DTNBP1: variants seen among roughly 807,000 people sequenced by gnomAD.
DTNBP1 encodes dysbindin.
A neutral mutation model predicts 42.8 loss-of-function variants in DTNBP1; 35 were observed. The observed-to-expected ratio is 0.82, with a 90% CI of 0.63 to 1.09. The LOEUF (loss-of-function observed/expected upper bound fraction) is 1.09. Among genes scored for constraint, DTNBP1 ranks in the 50% least tolerant of loss-of-function variants. The pLI, the probability that DTNBP1 is intolerant of heterozygous loss-of-function variation, is 0.00. For synonymous variants in DTNBP1, 171 were observed against 162.2 expected, an observed-to-expected ratio of 1.05 and a Z score of -0.41; for missense variants, 457 against 424.2, an observed-to-expected ratio of 1.08 and a Z score of -0.68.
At chr6:15,621,205 T>C (rs573917797) in intron 5 of DTNBP1, among the ~76,000 whole-genome samples, 16 of 152,348 alleles carry the variant, frequency 1.1e-4, no homozygotes, top group Non-Finnish European at 2.2e-4. Context: ...TTTCAAATGA[T>C]TTTTCTGAAA....
At position 15,615,376 on chromosome 6, in the gene DTNBP1, C is replaced by T; in HGVS notation, c.379G>A (p.Glu127Lys). 6.2e-7 allele frequency: 1 copy of T among 1,614,052 alleles called. No individual in the cohort carries two copies. Among genetic ancestry groups the T allele is most frequent in the Non-Finnish European group, 8.5e-7 (1 of 1,180,026 alleles). The change falls in exon 6 of 10, where the codon GAG becomes AAG. Residue 127 changes from glutamate to lysine, a missense_variant. Physicochemically the swap from Glu to Lys is moderately conservative, Grantham distance 56. Transcript: ENST00000344537. ...AGATGCAGCAGGTTGTTCTCTACCT[C>T]CTCAAAACTCGCCTCTAAATGAGCT... ...NLTHLEASFE[E>K]VENNLLHLED...
intron 7 of DTNBP1, among the ~76,000 whole-genome samples, chr6:15,581,940 C>T (rs1420671536): frequency 6.6e-6 from 1 of 152,122 alleles, no homozygotes; most frequent in Non-Finnish European, 1.5e-5. Flanking sequence ...AGCTTCAACC[C>T]ACATCTCAAA....
Position 15,663,026 on chromosome 6 carries a change from C to T in DTNBP1, c.-157G>A. 2.0e-6 allele frequency: 2 copies of T among 1,005,168 alleles called. No homozygotes were observed. The highest frequency in any genetic ancestry group is 1.7e-5 in the South Asian group (1 of 57,782). The allele number at this position is 1,005,168 out of a possible 1,614,324, so 62.3% of individuals were successfully genotyped here. A position where few individuals can be genotyped will look rare whatever the true frequency, so the allele number is the denominator to read the frequency against. On this transcript the variant is annotated 5_prime_UTR_variant, in exon 1 of 10. Transcript: ENST00000344537. The stretch of plus-strand genomic sequence containing the variant: ...CTGGTCCTCGCCGCCGCGCCGCAAC[C>T]CCAGCCCCTTCCGCGTTCCCGCCCC...
rs554928673 is a variant in DTNBP1, at chr6:15,554,504, G to A, written c.512-21109C>T. On this transcript the variant is annotated intron_variant, in intron 7 of 9. Coordinates refer to ENST00000344537, the MANE Select transcript of DTNBP1 (RefSeq NM_032122.5). ...ATGAGGTTCATAAATCTGGAAAGAA[G>A]AGCTTTATTTCTCATGAAGGGTTGC... Among the ~76,000 whole-genome samples the A allele has an allele frequency of 3.3e-5, 5 of 152,264 alleles. No homozygotes were observed. The South Asian group carries it at 6.2e-4, about 19-fold the overall frequency.
At chr6:15,540,175 G>T (rs1001731119) in intron 7 of DTNBP1, among the ~76,000 whole-genome samples, 1 of 151,738 alleles carries the variant, frequency 6.6e-6, no homozygotes, top group African/African-American at 2.4e-5. Flanking sequence ...AATCTGCAAG[G>T]AATTTAGAGT....
chr6:15,602,642 C>T (rs942183418), intron 6 of DTNBP1, among the ~76,000 whole-genome samples: 2 of 152,124 alleles, frequency 1.3e-5, no homozygotes, highest in Non-Finnish European at 2.9e-5. Context: ...AAAGTTATTA[C>T]AGACTCTAAA....
At chr6:15,629,093 T>A (rs577971816) in intron 4 of DTNBP1, among the ~76,000 whole-genome samples, 1 of 152,284 alleles carries the variant, frequency 6.6e-6, no homozygotes, top group African/African-American at 2.4e-5. Flanking sequence ...GCTTAAAACA[T>A]ACTGAAAAAA....
At chr6:15,533,032 A>C (rs764441998) in intron 8 of DTNBP1, among the ~76,000 whole-genome samples, 1 of 152,148 alleles carries the variant, frequency 6.6e-6, no homozygotes, top group Admixed American at 6.5e-5. Flanking sequence ...TAAAAAAAAT[A>C]TATCTTCAAC....
In DTNBP1 at chr6:15,524,596, C is replaced by A. The variant is rs886061224; in HGVS notation, c.741G>T (p.Ser247=). Residue 247 remains serine, a synonymous_variant, in exon 9 of 10, where the codon TCG becomes TCT. Coordinates refer to ENST00000344537, the MANE Select transcript of DTNBP1 (RefSeq NM_032122.5). ...MLEQMDLMDI[S]DQEALDVFLN... is the part of the protein sequence containing the mutation. ...GGAAGACGTCCAGGGCCTCCTGGTC[C>A]GATATGTCCATCAGGTCCATCTGCT... The A allele has an allele frequency of 6.2e-7, 1 of 1,613,506 alleles. No individual in the cohort carries two copies. Among genetic ancestry groups the A allele is most frequent in the South Asian group, 1.1e-5 (1 of 90,972 alleles).
At position 15,587,764 on chromosome 6, in the gene DTNBP1, GAAGGTAGACTT is replaced by G. The variant is rs1278558849; in HGVS notation, c.511+5284_511+5294del. Reference sequence around the variant, plus strand: ...ACTGAATATCGATACGTAAAAAAATGAAGGTAGACTTTTAACTCACACGAACACAAGGCTTA... The same window carrying G: ...ACTGAATATCGATACGTAAAAAAATGTTAACTCACACGAACACAAGGCTTA... On this transcript the variant is annotated intron_variant, in intron 7 of 9. Transcript: ENST00000344537. The surrounding 1 kb of genome is among the most constrained non-coding windows in gnomAD (Gnocchi z 4.1). 6.6e-6 allele frequency among the ~76,000 whole-genome samples: 1 copy of G among 152,196 alleles called. No homozygotes were observed. The highest frequency in any genetic ancestry group is 2.4e-5 in the African/African-American group (1 of 41,452).
intron 1 of DTNBP1, among the ~76,000 whole-genome samples, chr6:15,658,242 A>T (rs1418506597): frequency 6.6e-6 from 1 of 152,228 alleles, no homozygotes; most frequent in Non-Finnish European, 1.5e-5. Context: ...ACTGGCACTT[A>T]ATAGGAACTC....
intron 3 of DTNBP1, among the ~76,000 whole-genome samples, chr6:15,644,498 C>T (rs2743862): frequency 2.6e-5 from 4 of 151,866 alleles, no homozygotes; most frequent in South Asian, 2.1e-4. Context: ...ATCTGTGCAT[C>T]GAACAGTCTC....
intron 5 of DTNBP1, among the ~76,000 whole-genome samples, chr6:15,622,264 C>T (rs1759080438): frequency 6.6e-6 from 1 of 152,034 alleles, no homozygotes; most frequent in South Asian, 2.1e-4. Flanking sequence ...GTATATTAAA[C>T]CAGGTCACAT....
At chr6:15,526,847 T>C (rs1329246245) in intron 8 of DTNBP1, among the ~76,000 whole-genome samples, 1 of 152,182 alleles carries the variant, frequency 6.6e-6, no homozygotes, top group Admixed American at 6.5e-5. Flanking sequence ...CTAAGAAGCA[T>C]AAGAAAAGCT....
At chr6:15,550,744 G>C (rs767591571) in intron 7 of DTNBP1, among the ~76,000 whole-genome samples, 9 of 152,182 alleles carry the variant, frequency 5.9e-5, no homozygotes, top group Non-Finnish European at 8.8e-5. Context: ...CTTCCACCAG[G>C]AGTCCTTCAC....
Position 15,604,301 on chromosome 6 carries a change from C to T in DTNBP1, c.488+10966G>A, listed in dbSNP as rs187912753. 6.3e-4 allele frequency among the ~76,000 whole-genome samples: 96 copies of T among 152,302 alleles called. 1 individual carries two copies. The highest frequency in any genetic ancestry group is 3.4e-3 in the Middle Eastern group (1 of 294). On this transcript the variant is annotated intron_variant, in intron 6 of 9. Transcript: ENST00000344537. Reference sequence around the variant, plus strand: ...TCCCTTTTTGTAAAGTCATTGCCTGCGGAAAAGTTCTCCTGCTCCCCTTTT... The same window carrying T: ...TCCCTTTTTGTAAAGTCATTGCCTGTGGAAAAGTTCTCCTGCTCCCCTTTT...
chr6:15,557,331 T>C (rs1441816493), intron 7 of DTNBP1, among the ~76,000 whole-genome samples: 2 of 150,538 alleles, frequency 1.3e-5, no homozygotes, highest in Non-Finnish European at 2.9e-5. Flanking sequence ...TTTGAGCAAA[T>C]TGTGAAAGGT....
At chr6:15,620,086 T>C (rs1421546422) in intron 5 of DTNBP1, among the ~76,000 whole-genome samples, 2 of 152,178 alleles carry the variant, frequency 1.3e-5, no homozygotes, top group African/African-American at 4.8e-5. Context: ...AGCAGTTTTC[T>C]TCAGACATTT....
intron 6 of DTNBP1, among the ~76,000 whole-genome samples, chr6:15,599,375 AAGGCCACACAGATAGT>A: frequency 6.6e-6 from 1 of 152,200 alleles, no homozygotes; most frequent in Admixed American, 6.5e-5. Flanking sequence ...TTGAGGATGG[AAGGCCACACAGATAGT>A]AAGTGACAGA....
Sources: gnomAD v4.1 joint callset for allele counts (sites outside exome capture counted in the v4.1 genomes callset) on GRCh38, gnomAD v4.1.1 for gene constraint, Gnocchi (gnomAD v3.1) non-coding constraint, MANE v1.5 for transcripts, NCBI Gene and HGNC (gene_info 2026-07-23, HGNC 2026-07-21) for gene names.